AKR1C8: variants seen among roughly 807,000 people sequenced by gnomAD.
AKR1C8 encodes the protein aldo-keto reductase family 1 member C8.
chr10:5,145,733 C>T, the AKR1C8 span, among the ~76,000 whole-genome samples: 355 of 152,276 alleles, frequency 2.3e-3, 4 homozygotes, highest in African/African-American at 8.1e-3. Flanking sequence ...AATAGGAACA[C>T]TTTTACACTA....
chr10:5,143,371 C>A, the AKR1C8 span, among the ~76,000 whole-genome samples: 1 of 152,102 alleles, frequency 6.6e-6, no homozygotes. Flanking sequence ...GCCTTCTGAT[C>A]TTTGCACTCT....
the AKR1C8 span, among the ~76,000 whole-genome samples, chr10:5,161,218 T>C: frequency 6.6e-6 from 1 of 152,176 alleles, no homozygotes; most frequent in Non-Finnish European, 1.5e-5. Context: ...GTCCCTACAG[T>C]TGGAATTCAT....
the AKR1C8 span, among the ~76,000 whole-genome samples, chr10:5,141,714 G>A: frequency 1.3e-5 from 2 of 152,092 alleles, no homozygotes; most frequent in Non-Finnish European, 1.5e-5. Context: ...GTAATATTTT[G>A]AAAGGAATCT....
At chr10:5,168,431 A>G in the AKR1C8 span, among the ~76,000 whole-genome samples, 1 of 152,054 alleles carries the variant, frequency 6.6e-6, no homozygotes, top group Non-Finnish European at 1.5e-5. Context: ...CCCCGAGTCC[A>G]CTACTATCCC....
chr10:5,177,222 T>A, the AKR1C8 span, among the ~76,000 whole-genome samples: 1 of 152,032 alleles, frequency 6.6e-6, no homozygotes, highest in Non-Finnish European at 1.5e-5. Context: ...CTTTTCTGCA[T>A]CTATTGAGAT....
chr10:5,130,313 T>C, the AKR1C8 span, among the ~76,000 whole-genome samples: 59,546 of 151,658 alleles, frequency 0.39, 12,487 homozygotes, highest in Non-Finnish European at 0.43. Context: ...AAGCCAACAT[T>C]ATACTGAATG....
chr10:5,167,485 G>T, the AKR1C8 span, among the ~76,000 whole-genome samples: 1 of 152,134 alleles, frequency 6.6e-6, no homozygotes, highest in Non-Finnish European at 1.5e-5. Flanking sequence ...TCCTTTGTAG[G>T]GACATGGATG....
chr10:5,144,930 G>T, the AKR1C8 span, among the ~76,000 whole-genome samples: 1 of 151,844 alleles, frequency 6.6e-6, no homozygotes, highest in African/African-American at 2.4e-5. Context: ...GGTGAGAGAG[G>T]GCATCCCTGT....
At chr10:5,149,904 C>CA in the AKR1C8 span, among the ~76,000 whole-genome samples, 1 of 151,766 alleles carries the variant, frequency 6.6e-6, no homozygotes, top group Non-Finnish European at 1.5e-5. Context: ...AAATTTTTCT[C>CA]AAAAAAGAAT....
the AKR1C8 span, among the ~76,000 whole-genome samples, chr10:5,151,723 A>G: frequency 2.0e-5 from 3 of 151,772 alleles, no homozygotes; most frequent in African/African-American, 7.3e-5. Context: ...TGCCTGGCTA[A>G]TTTTTGTATT....
chr10:5,155,998 T>C, the AKR1C8 span, among the ~76,000 whole-genome samples: 1 of 152,294 alleles, frequency 6.6e-6, no homozygotes, highest in Non-Finnish European at 1.5e-5. Context: ...AAGAAAGGTG[T>C]GCACTCATCA....
the AKR1C8 span, among the ~76,000 whole-genome samples, chr10:5,168,202 A>G: frequency 4.6e-5 from 7 of 152,060 alleles, no homozygotes; most frequent in Non-Finnish European, 1.0e-4. Flanking sequence ...CTTTGCCCTG[A>G]AAAACAACCC....
the AKR1C8 span, among the ~76,000 whole-genome samples, chr10:5,150,133 G>T: frequency 6.6e-6 from 1 of 152,196 alleles, no homozygotes; most frequent in South Asian, 2.1e-4. Context: ...GGGGATTCCA[G>T]GATGTTTTCT....
the AKR1C8 span, among the ~76,000 whole-genome samples, chr10:5,146,676 T>C: frequency 1.3e-5 from 2 of 152,152 alleles, no homozygotes; most frequent in East Asian, 3.9e-4. Context: ...TAACCCACTC[T>C]ATGGGTTGTC....
the AKR1C8 span, among the ~76,000 whole-genome samples, chr10:5,181,892 C>T: frequency 1.3e-5 from 2 of 152,132 alleles, no homozygotes; most frequent in Admixed American, 6.5e-5. Context: ...CTTTAACAAA[C>T]ACTCTCAAAT....
the AKR1C8 span, among the ~76,000 whole-genome samples, chr10:5,142,348 T>C: frequency 7.0e-4 from 106 of 152,288 alleles, 1 homozygote; most frequent in Non-Finnish European, 3.4e-4. Flanking sequence ...TCTAACCATT[T>C]CGTATTCACT....
the AKR1C8 span, among the ~76,000 whole-genome samples, chr10:5,130,446 T>G: frequency 1.3e-5 from 2 of 151,830 alleles, no homozygotes; most frequent in African/African-American, 4.8e-5. Flanking sequence ...AAAGAAAAAG[T>G]AAGAAAGGGC....
At chr10:5,125,801 G>A in the AKR1C8 span, among the ~76,000 whole-genome samples, 1 of 152,134 alleles carries the variant, frequency 6.6e-6, no homozygotes, top group Non-Finnish European at 1.5e-5. Flanking sequence ...CCCACTGCTG[G>A]GAGACATGAA....
At chr10:5,130,883 C>G in the AKR1C8 span, among the ~76,000 whole-genome samples, 3 of 151,820 alleles carry the variant, frequency 2.0e-5, no homozygotes, top group East Asian at 5.8e-4. Context: ...GCCACAATAA[C>G]CAAAGCAATA....
Sources: gnomAD v4.1 joint callset for allele counts (sites outside exome capture counted in the v4.1 genomes callset) on GRCh38, gnomAD v4.1.1 for gene constraint, MANE v1.5 for transcripts, NCBI Gene and HGNC (gene_info 2026-07-23, HGNC 2026-07-21) for gene names.